The following DOCK2 variants were observed in gnomAD, a reference collection of about 807,000 sequenced individuals.
DOCK2 encodes the protein dedicator of cytokinesis 2.
Under a neutral mutation model 248.9 loss-of-function variants are expected in DOCK2, and 87 were observed. The observed-to-expected ratio is 0.35, with a 90% CI of 0.29 to 0.42. The LOEUF (loss-of-function observed/expected upper bound fraction) is 0.42, where lower values mean the gene tolerates loss of function less well. Ranked by LOEUF, DOCK2 falls within the 10% of genes least tolerant of loss-of-function variation. The pLI is 1.00. For synonymous variants in DOCK2, 805 were observed against 821.6 expected (o/e 0.98, Z 0.35); for missense variants, 1,747 against 2,300.2 (o/e 0.76, Z 4.92).
At chr5:170,078,420 G>A (rs1393895549) in intron 48 of DOCK2, among the ~76,000 whole-genome samples, 1 of 152,090 alleles carries the variant, frequency 6.6e-6, no homozygotes, top group Non-Finnish European at 1.5e-5. Context: ...AGTTCTAGGG[G>A]GCATCATTCA....
intron 25 of DOCK2, among the ~76,000 whole-genome samples, chr5:169,784,654 A>G (rs1421857805): frequency 6.6e-6 from 1 of 152,162 alleles, no homozygotes; most frequent in Non-Finnish European, 1.5e-5. Flanking sequence ...TCTTTCTCTA[A>G]TAATCTCCTT....
intron 25 of DOCK2, among the ~76,000 whole-genome samples, chr5:169,765,162 T>C (rs144022781): frequency 6.6e-6 from 1 of 152,216 alleles, no homozygotes; most frequent in East Asian, 1.9e-4. Context: ...AACTTTGATT[T>C]GACCTGTGAT....
intron 26 of DOCK2, among the ~76,000 whole-genome samples, chr5:169,824,587 T>C (rs1203835119): frequency 6.6e-6 from 1 of 152,210 alleles, no homozygotes; most frequent in African/African-American, 2.4e-5. Flanking sequence ...AAGCTGAAAC[T>C]GGATCCCTTC....
At chr5:169,835,181 G>GT (rs1486785689) in intron 26 of DOCK2, among the ~76,000 whole-genome samples, 1 of 151,402 alleles carries the variant, frequency 6.6e-6, no homozygotes, top group Non-Finnish European at 1.5e-5. Context: ...AAATTATACC[G>GT]TAAGTGTATG....
At chr5:169,759,585 G>A (rs747605688) in intron 23 of DOCK2, 120 bp from the exon 24 acceptor site, 48 of 1,084,014 alleles carry the variant, frequency 4.4e-5, no homozygotes, top group Non-Finnish European at 6.1e-5. Context: ...CATCAATATT[G>A]TAATGTCCAG....
intron 32 of DOCK2, among the ~76,000 whole-genome samples, chr5:170,017,846 C>T (rs185613075): frequency 2.0e-5 from 3 of 152,334 alleles, no homozygotes; most frequent in Non-Finnish European, 2.9e-5. Context: ...GATTCTTCTG[C>T]GCTCTGTGCT....
At chr5:169,851,756 C>T (rs261082) in intron 27 of DOCK2, among the ~76,000 whole-genome samples, 46,578 of 151,798 alleles carry the variant, frequency 0.31, 9,450 homozygotes, top group African/African-American at 0.58. Context: ...AGGTTTTACA[C>T]GGTGGCAGGA....
At chr5:169,715,880 G>A (rs1044041869) in intron 19 of DOCK2, among the ~76,000 whole-genome samples, 1 of 152,172 alleles carries the variant, frequency 6.6e-6, no homozygotes, top group Non-Finnish European at 1.5e-5. Flanking sequence ...ATAGTGAAGA[G>A]TGTACTTTCT....
intron 27 of DOCK2, among the ~76,000 whole-genome samples, chr5:169,923,990 G>T (rs931228829): frequency 2.6e-5 from 4 of 152,224 alleles, no homozygotes; most frequent in African/African-American, 9.6e-5. Context: ...GATTAATAAC[G>T]TTTATCATTC....
intron 23 of DOCK2, among the ~76,000 whole-genome samples, chr5:169,757,744 A>G (rs541119119): frequency 6.6e-6 from 1 of 152,330 alleles, no homozygotes; most frequent in African/African-American, 2.4e-5. Flanking sequence ...TAAGAAAAAA[A>G]TACCCAAAAT....
At chr5:169,946,922 G>A (rs920016858) in intron 27 of DOCK2, among the ~76,000 whole-genome samples, 2 of 152,236 alleles carry the variant, frequency 1.3e-5, no homozygotes, top group African/African-American at 4.8e-5. Context: ...AGAGGGAAGA[G>A]CGTGGGCAAG....
intron 22 of DOCK2, among the ~76,000 whole-genome samples, chr5:169,719,625 T>G (rs927671130): frequency 2.6e-5 from 4 of 152,266 alleles, no homozygotes; most frequent in African/African-American, 7.2e-5. Flanking sequence ...TCTGTCTGTC[T>G]AGATCTGGAC....
At chr5:169,932,491 C>T (rs1775802511) in intron 27 of DOCK2, among the ~76,000 whole-genome samples, 2 of 152,214 alleles carry the variant, frequency 1.3e-5, no homozygotes, top group South Asian at 4.1e-4. Flanking sequence ...ATGGAACATG[C>T]TTCTGGGTGT....
chr5:169,983,537 T>C (rs1387532262), intron 28 of DOCK2, among the ~76,000 whole-genome samples: 2 of 152,220 alleles, frequency 1.3e-5, no homozygotes, highest in Non-Finnish European at 2.9e-5. Context: ...CTTATTAAGA[T>C]CACAAATGCC....
intron 30 of DOCK2, among the ~76,000 whole-genome samples, chr5:170,004,008 T>A: frequency 1.3e-5 from 2 of 152,196 alleles, no homozygotes; most frequent in Non-Finnish European, 2.9e-5. Flanking sequence ...TACAGCCTCA[T>A]GGCTCATAAA....
At chr5:169,759,500 A>G (rs993935872) in intron 23 of DOCK2, among the ~76,000 whole-genome samples, 4 of 152,216 alleles carry the variant, frequency 2.6e-5, no homozygotes, top group African/African-American at 9.7e-5. Flanking sequence ...TGCCTCCTTG[A>G]AGACAGGAGT....
chr5:169,999,736 G>C (rs1581516804), intron 30 of DOCK2, among the ~76,000 whole-genome samples: 1 of 152,148 alleles, frequency 6.6e-6, no homozygotes, highest in East Asian at 1.9e-4. Flanking sequence ...GAATGGATTT[G>C]TTCTCTGTAC....
At chr5:170,025,130 C>G (rs551014522) in intron 33 of DOCK2, among the ~76,000 whole-genome samples, 2 of 152,378 alleles carry the variant, frequency 1.3e-5, no homozygotes, top group South Asian at 2.1e-4. Context: ...ACAGCACACA[C>G]TTAATGTTAG....
chr5:169,734,621 A>G (rs1468498423), intron 22 of DOCK2, among the ~76,000 whole-genome samples: 1 of 152,236 alleles, frequency 6.6e-6, no homozygotes, highest in Non-Finnish European at 1.5e-5. Context: ...GGAAAACAAA[A>G]ACAAAACACA....
Sources: gnomAD v4.1 joint callset for allele counts (sites outside exome capture counted in the v4.1 genomes callset) on GRCh38, gnomAD v4.1.1 for gene constraint, MANE v1.5 for transcripts, NCBI Gene and HGNC (gene_info 2026-07-23, HGNC 2026-07-21) for gene names.